SORT1: variants seen among roughly 807,000 people sequenced by gnomAD.
SORT1 encodes sortilin.
In SORT1, 39 loss-of-function variants were observed where a neutral mutation model predicts 101.7. The ratio of observed to expected loss-of-function variants is 0.38; its 90% confidence interval spans 0.30 to 0.50. SORT1 has a LOEUF of 0.50. SORT1 is among the 20% of genes least tolerant of loss of function. The pLI is 0.90. For synonymous variants in SORT1, 396 were observed against 393.7 expected, an observed-to-expected ratio of 1.01 and a Z score of -0.07; for missense variants, 878 against 1,040.4, an observed-to-expected ratio of 0.84 and a Z score of 2.15.
rs773490832 is a variant in SORT1 at position 109,323,023 on chromosome 1, G to A, written c.1933C>T (p.Leu645=). ...TTCTGACACACGGATGACTTGCGTA[G>A]CCGCAGAAACTGTTCTTTGTAGCCC... is the stretch of plus-strand genomic sequence containing the variant. ...ILGYKEQFLR[L]RKSSVCQNGR... is the part of the protein sequence containing the mutation. The change falls in exon 15 of 20, where the codon CTA becomes TTA. Residue 645 remains leucine, a synonymous_variant. Coordinates refer to ENST00000256637, the MANE Select transcript of SORT1 (RefSeq NM_002959.7). The A allele has an allele frequency of 2.5e-6, 4 of 1,614,172 alleles. No individual in the cohort carries two copies. Among genetic ancestry groups the A allele is most frequent in the Non-Finnish European group, 3.4e-6 (4 of 1,179,982 alleles).
chr1:109,339,513 T>A (rs1649067676), intron 10 of SORT1, among the ~76,000 whole-genome samples: 1 of 152,212 alleles, frequency 6.6e-6, no homozygotes, highest in Non-Finnish European at 1.5e-5. Flanking sequence ...CTTTAGTCAT[T>A]AGAGAAATGC....
intron 11 of SORT1, among the ~76,000 whole-genome samples, chr1:109,330,863 G>GA (rs917612602): frequency 6.6e-6 from 1 of 151,840 alleles, no homozygotes; most frequent in Admixed American, 6.6e-5. Context: ...GGATAATCTA[G>GA]AAAAAAATGG....
At chr1:109,393,424 C>T in intron 1 of SORT1, 4 of 463,800 alleles carry the variant, frequency 8.6e-6, no homozygotes, top group Non-Finnish European at 1.1e-5. Flanking sequence ...ATTATGTCAG[C>T]CACCACCACA....
intron 1 of SORT1, among the ~76,000 whole-genome samples, chr1:109,370,176 A>G (rs893755763): frequency 6.6e-6 from 1 of 152,206 alleles, no homozygotes; most frequent in Admixed American, 6.5e-5. Flanking sequence ...TTGCAGTGAG[A>G]GTAAGGAGGT....
At chr1:109,346,031 G>T (rs1649561729) in intron 7 of SORT1, 150 bp from the exon 8 acceptor site, 1 of 688,808 alleles carries the variant, frequency 1.5e-6, no homozygotes, top group East Asian at 2.9e-5. Flanking sequence ...TGATACAGCG[G>T]CCAGGCGCAG....
rs114506343 is a variant in SORT1, at chr1:109,393,208, C to T, written c.306+4379G>A. ...AGAGCTGACACCCCATACAACACGGCCTCTCTACAGGGCCTGTTTATTTAA... is the reference window on the plus strand; with the variant it reads ...AGAGCTGACACCCCATACAACACGGTCTCTCTACAGGGCCTGTTTATTTAA... On this transcript the variant is annotated intron_variant, in intron 1 of 19. Coordinates refer to ENST00000256637, the MANE Select transcript of SORT1 (RefSeq NM_002959.7). The T allele has an allele frequency of 3.7e-4, 360 of 985,400 alleles. 2 individuals carry two copies. In the African/African-American group the frequency reaches 5.9e-3, roughly 16 times the overall value. 61.0% of individuals were successfully genotyped at this position (985,400 alleles called of 1,614,324 possible). A position where few individuals can be genotyped will look rare whatever the true frequency, so the allele number is the denominator to read the frequency against.
intron 3 of SORT1, among the ~76,000 whole-genome samples, chr1:109,365,595 C>A (rs934104121): frequency 6.6e-6 from 1 of 152,152 alleles, no homozygotes; most frequent in Non-Finnish European, 1.5e-5. Flanking sequence ...TATAGTCAAT[C>A]CTATATTTAA....
Position 109,387,565 on chromosome 1 carries a change from T to G in SORT1, c.306+10022A>C, listed in dbSNP as rs551694789. ...AAAACAAAAACTATTTAACCATATA[T>G]GCTTGAAGCTATTATAACCAGATGA... is the stretch of plus-strand genomic sequence containing the variant. On this transcript the variant is annotated intron_variant, in intron 1 of 19. Transcript: ENST00000256637. Among the ~76,000 whole-genome samples the G allele has an allele frequency of 7.2e-5, 11 of 152,360 alleles. No individual in the cohort carries two copies. The East Asian group carries it at 2.1e-3, about 29-fold the overall frequency.
chr1:109,363,842 T>C (rs1263412205), intron 3 of SORT1, among the ~76,000 whole-genome samples: 2 of 152,222 alleles, frequency 1.3e-5, no homozygotes, highest in Non-Finnish European at 2.9e-5. Context: ...CAGGACCCAT[T>C]TTGATCAAAC....
chr1:109,393,354 G>A, intron 1 of SORT1: 2 of 977,512 alleles, frequency 2.0e-6, no homozygotes, highest in South Asian at 9.5e-5. Context: ...TTCATCATAA[G>A]TTTAAAAAGT....
At chr1:109,341,864 C>T (rs1007580769) in intron 9 of SORT1, 150 bp downstream of exon 9, 2 of 734,536 alleles carry the variant, frequency 2.7e-6, no homozygotes, top group African/African-American at 1.8e-5. Context: ...GCATTTTTAA[C>T]AGGGGCTACA....
chr1:109,314,979 A>G (rs1658944876), intron 17 of SORT1, among the ~76,000 whole-genome samples: 1 of 152,220 alleles, frequency 6.6e-6, no homozygotes, highest in Admixed American at 6.5e-5. Context: ...GAGTCATCTT[A>G]GCTCCAACTG....
chr1:109,326,351 C>T (rs1648020602), intron 13 of SORT1, among the ~76,000 whole-genome samples: 1 of 146,038 alleles, frequency 6.8e-6, no homozygotes, highest in East Asian at 2.0e-4. Context: ...CTGCACCCAG[C>T]TCAGAACTTG....
intron 10 of SORT1, among the ~76,000 whole-genome samples, chr1:109,340,232 A>G (rs1295843803): frequency 6.6e-6 from 1 of 152,202 alleles, no homozygotes. Context: ...AAAAGCAATA[A>G]GTGAAATTCT....
At chr1:109,322,497 A>G (rs1570891844) in intron 15 of SORT1, among the ~76,000 whole-genome samples, 3 of 152,158 alleles carry the variant, frequency 2.0e-5, no homozygotes, top group East Asian at 1.9e-4. Flanking sequence ...CTTCCTTGAT[A>G]AGAAGCAGCA....
chr1:109,396,899 T>A (rs1220198145), intron 1 of SORT1, among the ~76,000 whole-genome samples: 2 of 152,178 alleles, frequency 1.3e-5, no homozygotes, highest in Non-Finnish European at 2.9e-5. Flanking sequence ...GAGCTGCTTG[T>A]CCCCAGGGAC....
Position 109,309,581 on chromosome 1 carries a change from A to G in SORT1, c.*4462T>C, listed in dbSNP as rs1442358027. 6.6e-6 allele frequency: 1 copy of G among 152,238 alleles called. No individual in the cohort carries two copies. The highest frequency in any genetic ancestry group is 1.5e-5 in the Non-Finnish European group (1 of 68,044). The allele number at this position is 152,238 out of a possible 1,614,324, so 9.4% of individuals were successfully genotyped here. ...GCTTAGTCATTTCAGTAGGTCAGGTAACAAAGTCCAGTCTGTTTTATTTTT... is the reference window on the plus strand; with the variant it reads ...GCTTAGTCATTTCAGTAGGTCAGGTGACAAAGTCCAGTCTGTTTTATTTTT... On this transcript the variant is annotated 3_prime_UTR_variant, in exon 20 of 20. Coordinates refer to ENST00000256637, the MANE Select transcript of SORT1 (RefSeq NM_002959.7).
At chr1:109,334,075 G>C (rs1260471493) in intron 11 of SORT1, among the ~76,000 whole-genome samples, 1 of 152,166 alleles carries the variant, frequency 6.6e-6, no homozygotes, top group Non-Finnish European at 1.5e-5. Context: ...GAACCCGGGA[G>C]GCGGAGGTTG....
chr1:109,369,038 G>C (rs568708117), intron 2 of SORT1, among the ~76,000 whole-genome samples: 2 of 150,488 alleles, frequency 1.3e-5, no homozygotes, highest in East Asian at 4.0e-4. Context: ...AGATGTTCCC[G>C]GCCAGGCGCA....
Sources: gnomAD v4.1 joint callset for allele counts (sites outside exome capture counted in the v4.1 genomes callset) on GRCh38, gnomAD v4.1.1 for gene constraint, MANE v1.5 for transcripts, NCBI Gene and HGNC (gene_info 2026-07-23, HGNC 2026-07-21) for gene names.